ZC3H14: variants seen among roughly 807,000 people sequenced by gnomAD.
ZC3H14 encodes the protein zinc finger CCCH-type containing 14.
In ZC3H14, 31 loss-of-function variants were observed where a neutral mutation model predicts 92.4. The ratio of observed to expected loss-of-function variants is 0.34; its 90% confidence interval spans 0.25 to 0.45. The LOEUF (loss-of-function observed/expected upper bound fraction) is 0.45. Ranked by LOEUF, ZC3H14 falls within the 20% of genes least tolerant of loss-of-function variation. ZC3H14 has a pLI of 1.00. For synonymous variants in ZC3H14, 321 were observed against 300.9 expected, an observed-to-expected ratio of 1.07 and a Z score of -0.69; for missense variants, 781 against 897.3, an observed-to-expected ratio of 0.87 and a Z score of 1.66.
intron 12 of ZC3H14, among the ~76,000 whole-genome samples, chr14:88,606,367 T>C (rs1361779893): frequency 3.3e-5 from 5 of 152,172 alleles, no homozygotes; most frequent in Non-Finnish European, 5.9e-5. Context: ...CTGTCCCTTA[T>C]TGCATTTATC....
At chr14:88,586,861 TCTC>T (rs1253767108) in intron 9 of ZC3H14, 3 of 152,200 alleles carry the variant, frequency 2.0e-5, no homozygotes, top group African/African-American at 7.2e-5. Flanking sequence ...ACTTCATTCT[TCTC>T]TATACTAGTC....
At position 88,574,701 on chromosome 14, in the gene ZC3H14, CT is replaced by C. The variant is rs750819397; in HGVS notation, c.873del (p.Arg292GlyfsTer8). ...ATTTTATCTGATTGCAGGATGAAAA[CT>C]TTCGGAAGAGAAAGTTGCCTGTGGT... is the stretch of plus-strand genomic sequence containing the variant. ...SEKMSMEDEN[F>X]RKRKLPVVSS... is the part of the protein sequence containing the mutation. On this transcript the variant is annotated frameshift_variant, in exon 7 of 17. Transcript: ENST00000251038. LOFTEE classifies it high-confidence loss of function. The C allele has an allele frequency of 6.2e-7, 1 of 1,613,932 alleles. No homozygotes were observed. The highest frequency in any genetic ancestry group is 2.2e-5 in the East Asian group (1 of 44,876).
intron 9 of ZC3H14, chr14:88,595,051 G>T: frequency 6.2e-7 from 1 of 1,613,464 alleles, no homozygotes; most frequent in South Asian, 1.1e-5. Context: ...AGAAGATACT[G>T]AATCACAGTC....
chr14:88,570,247 T>A (rs1223282169), intron 3 of ZC3H14, among the ~76,000 whole-genome samples: 2 of 152,180 alleles, frequency 1.3e-5, no homozygotes, highest in East Asian at 3.9e-4. Context: ...TTGTGATTAT[T>A]TGGAGCCTTG....
At chr14:88,580,370 T>C (rs2081754174) in intron 9 of ZC3H14, among the ~76,000 whole-genome samples, 1 of 152,100 alleles carries the variant, frequency 6.6e-6, no homozygotes, top group East Asian at 1.9e-4. Context: ...AAATAAAACA[T>C]GCGTGTAATC....
chr14:88,606,498 G>A (rs1001482368), intron 12 of ZC3H14, among the ~76,000 whole-genome samples: 9 of 152,132 alleles, frequency 5.9e-5, no homozygotes, highest in African/African-American at 7.2e-5. Context: ...GGCTGAGCGC[G>A]GTGGCTCATG....
intron 14 of ZC3H14, 140 bp from the exon 15 acceptor site, chr14:88,609,572 G>A (rs2086194825): frequency 1.5e-6 from 2 of 1,359,652 alleles, no homozygotes; most frequent in African/African-American, 2.9e-5. Flanking sequence ...GTATTCCGAA[G>A]TATTTTGACT....
rs563792276 is a variant in ZC3H14 at position 88,619,396 on chromosome 14, A to T, written c.*7645A>T. 6.6e-6 allele frequency: 1 copy of T among 152,532 alleles called. No individual in the cohort carries two copies. The highest frequency in any genetic ancestry group is 2.1e-4 in the South Asian group (1 of 4,824). 9.4% of individuals were successfully genotyped at this position (152,532 alleles called of 1,614,324 possible). A position where few individuals can be genotyped will look rare whatever the true frequency, so the allele number is the denominator to read the frequency against. On this transcript the variant is annotated 3_prime_UTR_variant, in exon 17 of 17. Transcript: ENST00000251038. The stretch of plus-strand genomic sequence containing the variant: ...AAAACAAAACAAAATTTAATTTTTT[A>T]AATAGAGGCGGGGTCTCACTATGGT...
rs569026580 is a variant in ZC3H14, at chr14:88,581,522, C to T, written c.1279+3382C>T. 1.2e-4 allele frequency among the ~76,000 whole-genome samples: 18 copies of T among 152,176 alleles called. No individual in the cohort carries two copies. The East Asian group carries it at 3.5e-3, about 29-fold the overall frequency. ...GTTGCAGTGAGCCAAGATTGTGCCA[C>T]CGTACTCCAGCCTGGGCAACAGAGT... On this transcript the variant is annotated intron_variant, in intron 9 of 16. Transcript: ENST00000251038.
intron 9 of ZC3H14, among the ~76,000 whole-genome samples, chr14:88,595,873 C>G (rs1673764217): frequency 6.6e-6 from 1 of 152,210 alleles, no homozygotes; most frequent in Admixed American, 6.5e-5. Flanking sequence ...GCAACCCTAT[C>G]AGTTACATCC....
At chr14:88,581,251 TC>T (rs1434884858) in intron 9 of ZC3H14, among the ~76,000 whole-genome samples, 1 of 152,148 alleles carries the variant, frequency 6.6e-6, no homozygotes, top group East Asian at 1.9e-4. Flanking sequence ...TTGGAATACT[TC>T]CTATTTAAAA....
chr14:88,563,376 C>T, intron 1 of ZC3H14: 1 of 1,440,144 alleles, frequency 6.9e-7, no homozygotes, highest in Non-Finnish European at 9.0e-7. Flanking sequence ...AAGTAGCCGC[C>T]GGGAAATGGA....
intron 13 of ZC3H14, 58 bp from the exon 14 acceptor site, chr14:88,609,209 G>A (rs945502682): frequency 1.9e-6 from 3 of 1,609,042 alleles, no homozygotes; most frequent in African/African-American, 2.7e-5. Context: ...CTTATACACA[G>A]AACTAATAAT....
intron 9 of ZC3H14, among the ~76,000 whole-genome samples, chr14:88,579,530 G>T (rs902683219): frequency 6.6e-6 from 1 of 152,186 alleles, no homozygotes; most frequent in Non-Finnish European, 1.5e-5. Context: ...AGGACTCTAC[G>T]TGAGAGTCTT....
Position 88,568,230 on chromosome 14 carries a change from C to G in ZC3H14, c.194+77C>G, listed in dbSNP as rs941004235. On this transcript the variant is annotated intron_variant, in intron 3 of 16. Coordinates refer to ENST00000251038, the MANE Select transcript of ZC3H14 (RefSeq NM_024824.5). ...TTGATATTCTGTCCAAAGAGAGGTT[C>G]TTGACACTTGAGTTAGGTTTACTTT... The G allele has an allele frequency of 5.8e-6, 7 of 1,209,992 alleles. No homozygotes were observed. The African/African-American group carries it at 1.1e-4, about 18-fold the overall frequency. The allele number at this position is 1,209,992 out of a possible 1,614,324, so 75.0% of individuals were successfully genotyped here. A position where few individuals can be genotyped will look rare whatever the true frequency, so the allele number is the denominator to read the frequency against.
At chr14:88,566,069 G>C (rs1001007663) in intron 2 of ZC3H14, among the ~76,000 whole-genome samples, 2 of 111,132 alleles carry the variant, frequency 1.8e-5, no homozygotes, top group Non-Finnish European at 3.5e-5. Context: ...TAGTGGAGAC[G>C]GTGTTTCACC....
In ZC3H14 at chr14:88,618,516, T is replaced by C. The variant is rs1406264308; in HGVS notation, c.*6765T>C. The C allele has an allele frequency of 3.4e-6, 4 of 1,170,320 alleles. No individual in the cohort carries two copies. The highest frequency in any genetic ancestry group is 5.2e-5 in the Admixed American group (2 of 38,228). 72.5% of individuals were successfully genotyped at this position (1,170,320 alleles called of 1,614,324 possible). A position where few individuals can be genotyped will look rare whatever the true frequency, so the allele number is the denominator to read the frequency against. On this transcript the variant is annotated 3_prime_UTR_variant, in exon 17 of 17. Transcript: ENST00000251038. ...GATAAGTGGGGGAGGAAAGGGGAGCTGTAGGTCAGAAGGTACAAAGGGAGG... is the reference window on the plus strand; with the variant it reads ...GATAAGTGGGGGAGGAAAGGGGAGCCGTAGGTCAGAAGGTACAAAGGGAGG...
rs1279587846 is a variant in ZC3H14, at chr14:88,621,840, C to A, written c.*10089C>A. 2.2e-6 allele frequency: 1 copy of A among 456,150 alleles called. No individual in the cohort carries two copies. Among genetic ancestry groups the A allele is most frequent in the Admixed American group, 2.4e-5 (1 of 42,532 alleles). The allele number at this position is 456,150 out of a possible 1,614,324, so 28.3% of individuals were successfully genotyped here. A position where few individuals can be genotyped will look rare whatever the true frequency, so the allele number is the denominator to read the frequency against. ...ATAGGGCATAGGGTAATACGCATAA[C>A]CATCACCTCAGACATTTATCATTTC... On this transcript the variant is annotated 3_prime_UTR_variant, in exon 17 of 17. Transcript: ENST00000251038.
At chr14:88,566,028 G>GC (rs1161358992) in intron 2 of ZC3H14, among the ~76,000 whole-genome samples, 28 of 2,712 alleles carry the variant, frequency 0.01, no homozygotes, top group East Asian at 0.045. Context: ...CCACCACCCC[G>GC]CCCCCCCCCC....
Sources: gnomAD v4.1 joint callset for allele counts (sites outside exome capture counted in the v4.1 genomes callset) on GRCh38, gnomAD v4.1.1 for gene constraint, MANE v1.5 for transcripts, NCBI Gene and HGNC (gene_info 2026-07-23, HGNC 2026-07-21) for gene names.